The following SEC24D variants were observed in gnomAD, a reference collection of about 807,000 sequenced individuals.
The protein encoded by SEC24D is protein transport protein Sec24D.
Under a neutral mutation model 116.9 loss-of-function variants are expected in SEC24D, and 69 were observed. That is an observed-to-expected ratio of 0.59 (90% CI 0.49 to 0.72). The LOEUF (loss-of-function observed/expected upper bound fraction) is 0.72, where lower values mean the gene tolerates loss of function less well. SEC24D is among the 30% of genes least tolerant of loss of function. The pLI, the probability that SEC24D is intolerant of heterozygous loss-of-function variation, is 0.00. For missense variants in SEC24D, 1,131 were observed against 1,264.1 expected (o/e 0.89, Z 1.60); for synonymous variants, 405 against 442.8 (o/e 0.91, Z 1.07).
intron 19 of SEC24D, among the ~76,000 whole-genome samples, chr4:118,735,467 T>C (rs1450435801): frequency 6.6e-6 from 1 of 152,170 alleles, no homozygotes; most frequent in African/African-American, 2.4e-5. Context: ...GGAAAATTCT[T>C]TCCTTCTTTA....
intron 6 of SEC24D, among the ~76,000 whole-genome samples, chr4:118,807,016 C>T (rs28535392): frequency 0.014 from 2,184 of 152,224 alleles, 47 homozygotes; most frequent in African/African-American, 0.049. Flanking sequence ...AATACTCTTT[C>T]AAATAAAAGA....
chr4:118,746,998 C>T (rs1415692077), intron 13 of SEC24D, among the ~76,000 whole-genome samples: 1 of 152,006 alleles, frequency 6.6e-6, no homozygotes, highest in African/African-American at 2.4e-5. Context: ...GTGCTGTGAT[C>T]TTATTGTTGC....
intron 22 of SEC24D, among the ~76,000 whole-genome samples, chr4:118,725,953 C>G (rs114990077): frequency 6.6e-6 from 1 of 152,086 alleles, no homozygotes; most frequent in East Asian, 1.9e-4. Flanking sequence ...TTTATTTCCC[C>G]GCTTTACATT....
chr4:118,791,806 G>C (rs1228400252), intron 8 of SEC24D, among the ~76,000 whole-genome samples: 1 of 152,156 alleles, frequency 6.6e-6, no homozygotes, highest in Admixed American at 6.5e-5. Flanking sequence ...GATTGCAGAC[G>C]GAGTCTCGCT....
At chr4:118,789,148 C>T (rs945412324) in intron 8 of SEC24D, among the ~76,000 whole-genome samples, 1 of 152,226 alleles carries the variant, frequency 6.6e-6, no homozygotes. Context: ...CAGCATATCA[C>T]TTACCAGCTG....
chr4:118,748,981 G>A (rs1395464678), intron 13 of SEC24D, among the ~76,000 whole-genome samples: 6 of 151,272 alleles, frequency 4.0e-5, no homozygotes, highest in Non-Finnish European at 5.9e-5. Context: ...TGTATTTTAA[G>A]CATAACCACT....
intron 20 of SEC24D, among the ~76,000 whole-genome samples, chr4:118,732,521 C>T (rs1307959810): frequency 2.6e-5 from 4 of 152,244 alleles, no homozygotes; most frequent in Middle Eastern, 6.8e-3. Context: ...CCTCAGATTC[C>T]CTCCCCTCAC....
chr4:118,784,744 C>CCCCT lies in SEC24D; in HGVS notation c.1041+12938_1041+12939insAGGG, dbSNP rs1553926977. 1.4e-3 allele frequency among the ~76,000 whole-genome samples: 217 copies of CCCCT among 151,268 alleles called. 3 individuals are homozygous for CCCCT. The highest frequency in any genetic ancestry group is 5.0e-3 in the African/African-American group (205 of 41,170). On this transcript the variant is annotated intron_variant, in intron 8 of 22. Coordinates refer to ENST00000280551, the MANE Select transcript of SEC24D (RefSeq NM_014822.4). ...TGCTCATAACATCCTTCCCTGCCCC[C>CCCCT]CCCCCCGCCACCAAATACACACAAA...
chr4:118,806,067 TCA>T (rs1455862516), intron 6 of SEC24D, 113 bp from the exon 7 acceptor site: 106 of 673,014 alleles, frequency 1.6e-4, no homozygotes, highest in Admixed American at 4.0e-4. Context: ...TTCTCAATAT[TCA>T]CACACACAGA....
intron 15 of SEC24D, 104 bp from the exon 16 acceptor site, chr4:118,741,141 G>T: frequency 3.5e-6 from 2 of 568,128 alleles, no homozygotes; most frequent in Non-Finnish European, 5.9e-6. Context: ...TTAAAATCCC[G>T]ATTTAGCATA....
At chr4:118,776,087 T>G in intron 8 of SEC24D, among the ~76,000 whole-genome samples, 1 of 145,188 alleles carries the variant, frequency 6.9e-6, no homozygotes, top group East Asian at 2.0e-4. Flanking sequence ...AGGGAAGGAG[T>G]TAGGGAGGGG....
Position 118,745,000 on chromosome 4 carries a change from G to A in SEC24D, c.1768C>T (p.Pro590Ser). ...FHSSLPTAEA[P>S]GKLKNRDDKK... is the part of the protein sequence containing the mutation. ...TCATCTCTGTTTTTGAGCTTCCCTG[G>A]TGCTTCAGCAGTTGGCAAGGAAGAA... The change falls in exon 14 of 23, where the codon CCA becomes TCA. Residue 590 changes from proline to serine, a missense_variant. Transcript: ENST00000280551. The A allele has an allele frequency of 3.1e-6, 5 of 1,611,766 alleles. No individual in the cohort carries two copies. Among genetic ancestry groups the A allele is most frequent in the Middle Eastern group, 1.7e-4 (1 of 6,050 alleles).
At chr4:118,746,128 A>G (rs2110448637) in intron 13 of SEC24D, among the ~76,000 whole-genome samples, 1 of 151,148 alleles carries the variant, frequency 6.6e-6, no homozygotes, top group East Asian at 2.0e-4. Flanking sequence ...GTGAGCTATG[A>G]TCATGCCACT....
Position 118,768,259 on chromosome 4 carries a change from C to G in SEC24D, c.1094G>C (p.Arg365Thr), listed in dbSNP as rs1331296275. The change falls in exon 9 of 23, where the codon AGG (arginine) becomes ACG (threonine). Residue 365 changes from arginine to threonine, a missense_variant. Coordinates refer to ENST00000280551, the MANE Select transcript of SEC24D (RefSeq NM_014822.4). ...HGESGPVRCN[R>T]CKAYMCPFMQ... is the part of the protein sequence containing the mutation. Reference sequence around the variant, plus strand: ...AAATGGGCACATGTAGGCCTTGCACCTGTTGCATCTGACTGGTCCACTCTC... The same window carrying G: ...AAATGGGCACATGTAGGCCTTGCACGTGTTGCATCTGACTGGTCCACTCTC... 39 of 1,613,782 alleles carry G rather than the reference C, an allele frequency of 2.4e-5. No homozygotes were observed. Among genetic ancestry groups the G allele is most frequent in the Non-Finnish European group, 3.1e-5 (37 of 1,179,870 alleles).
intron 8 of SEC24D, among the ~76,000 whole-genome samples, chr4:118,775,046 G>A (rs1342600009): frequency 1.3e-5 from 2 of 152,130 alleles, no homozygotes; most frequent in African/African-American, 4.8e-5. Flanking sequence ...TCATCCACAA[G>A]GGAGAAATAT....
rs942881056 is a variant in SEC24D, at chr4:118,809,588, G to T, written c.802-3634C>A. Among the ~76,000 whole-genome samples the T allele has an allele frequency of 5.3e-5, 8 of 152,104 alleles. 1 individual carries two copies. The highest frequency in any genetic ancestry group is 4.1e-4 in the South Asian group (2 of 4,822). ...ATAAAAATAAATACTGGACTGATTT[G>T]TCTGTATGTATTATAAGGGTCCTGG... On this transcript the variant is annotated intron_variant, in intron 6 of 22. Coordinates refer to ENST00000280551, the MANE Select transcript of SEC24D (RefSeq NM_014822.4).
At chr4:118,820,476 G>A (rs1730354957) in intron 3 of SEC24D, among the ~76,000 whole-genome samples, 1 of 152,102 alleles carries the variant, frequency 6.6e-6, no homozygotes, top group South Asian at 2.1e-4. Context: ...ACCGCACCCA[G>A]CCAATATTTT....
At chr4:118,825,931 A>G (rs4586912) in intron 2 of SEC24D, among the ~76,000 whole-genome samples, 88,914 of 151,676 alleles carry the variant, frequency 0.59, 26,527 homozygotes, top group Admixed American at 0.66. Flanking sequence ...CTGATGATGT[A>G]TAGTCACCCA....
intron 8 of SEC24D, among the ~76,000 whole-genome samples, chr4:118,769,335 C>T (rs1435516794): frequency 6.6e-6 from 1 of 152,142 alleles, no homozygotes; most frequent in Non-Finnish European, 1.5e-5. Context: ...AGCATTAAGT[C>T]TGCCTTCCCA....
Sources: gnomAD v4.1 joint callset for allele counts (sites outside exome capture counted in the v4.1 genomes callset) on GRCh38, gnomAD v4.1.1 for gene constraint, MANE v1.5 for transcripts, NCBI Gene and HGNC (gene_info 2026-07-23, HGNC 2026-07-21) for gene names.